The following CIC variants were observed in gnomAD, a reference collection of about 807,000 sequenced individuals.
The protein encoded by CIC is protein capicua homolog.
A neutral mutation model predicts 115.7 loss-of-function variants in CIC; 18 were observed. The observed-to-expected ratio is 0.16, with a 90% CI of 0.11 to 0.23. The LOEUF is 0.23. Among genes scored for constraint, CIC ranks in the 10% least tolerant of loss-of-function variants. The probability of loss-of-function intolerance (pLI) is 1.00; values close to 1 mark genes in which losing one functional copy is unlikely to be tolerated. For synonymous variants in CIC, 1,076 were observed against 923.0 expected (o/e 1.17, Z -3.01); for missense variants, 2,000 against 2,159.3 (o/e 0.93, Z 1.46).
At chr19:42,274,774 A>G (rs2036906429) in intron 2 of CIC, among the ~76,000 whole-genome samples, 197 bp downstream of exon 2, 1 of 152,250 alleles carries the variant, frequency 6.6e-6, no homozygotes, top group South Asian at 2.1e-4. Context: ...CACCGTTTCC[A>G]GAGGCCTCCT....
chr19:42,289,633 G>T (rs1443197628), intron 9 of CIC, among the ~76,000 whole-genome samples: 1 of 152,232 alleles, frequency 6.6e-6, no homozygotes, highest in Non-Finnish European at 1.5e-5. Flanking sequence ...AGATCTTCAG[G>T]TGCAGTGTTA....
chr19:42,295,004 C>T lies in CIC; in HGVS notation c.7367C>T (p.Pro2456Leu), dbSNP rs778746549. 1.3e-6 allele frequency: 2 copies of T among 1,595,462 alleles called. No homozygotes were observed. The highest frequency in any genetic ancestry group is 1.1e-5 in the South Asian group (1 of 90,828). ...VPPPTGTAAA[P>L]APTPSPAGGP... ...CCCCCCACTGGCACCGCTGCTGCCC[C>T]TGCCCCCACTCCCAGCCCCGCAGGG... is the stretch of plus-strand genomic sequence containing the variant. The change falls in exon 21 of 21, where the codon CCT (proline) becomes CTT (leucine). Residue 2456 changes from proline (P) to leucine (L), a missense_variant. Physicochemically the swap from Pro to Leu is moderately conservative, Grantham distance 98. Around this residue, in one of 8 missense-constraint regions of CIC, gnomAD observed 133 missense variants for 116.0 expected, o/e 1.15. Transcript: ENST00000681038.
At chr19:42,289,684 AGTGGGCACTGGGCAT>A (rs2037931208) in intron 9 of CIC, among the ~76,000 whole-genome samples, 149 bp from the exon 10 acceptor site, 1 of 152,162 alleles carries the variant, frequency 6.6e-6, no homozygotes, top group South Asian at 2.1e-4. Flanking sequence ...TGCACTGGGC[AGTGGGCACTGGGCAT>A]GTGGGCACAG....
chr19:42,277,814 G>A (rs1033215411), intron 2 of CIC, among the ~76,000 whole-genome samples: 15 of 152,148 alleles, frequency 9.9e-5, no homozygotes, highest in Admixed American at 6.5e-4. Context: ...TCTGAGGAGC[G>A]CCTCCCTAAC....
chr19:42,285,377 C>T (rs1476920094), intron 2 of CIC, among the ~76,000 whole-genome samples: 4 of 152,300 alleles, frequency 2.6e-5, no homozygotes, highest in East Asian at 3.9e-4. Flanking sequence ...GTCTAAGTCC[C>T]TGGAGGCTTT....
chr19:42,288,158 A>G (rs1027679211), intron 7 of CIC, among the ~76,000 whole-genome samples, 183 bp downstream of exon 7: 1 of 152,226 alleles, frequency 6.6e-6, no homozygotes, highest in Non-Finnish European at 1.5e-5. Context: ...AGATCCACAC[A>G]GATACTAAGA....
rs770999487 is a variant in CIC at position 42,290,970 on chromosome 19, G to A, written c.4929G>A (p.Ser1643=). The stretch of plus-strand genomic sequence containing the variant: ...GCTTAGTGTATTCGGACAAGAAGTC[G>A]GCAGCAGCCACCTCACCAGCCCCAC... ...GVSLVYSDKK[S]AAATSPAPHL... The change falls in exon 11 of 21, where the codon TCG becomes TCA. Residue 1643 remains serine (S), a synonymous_variant. Transcript: ENST00000681038. The A allele has an allele frequency of 4.6e-5, 74 of 1,613,630 alleles. No homozygotes were observed. Among genetic ancestry groups the A allele is most frequent in the Non-Finnish European group, 5.7e-5 (67 of 1,180,016 alleles).
rs2147262825 is a variant in CIC at position 42,290,860 on chromosome 19, G to A, written c.4819G>A (p.Glu1607Lys). The A allele has an allele frequency of 6.2e-7, 1 of 1,612,100 alleles. No homozygotes were observed. Among genetic ancestry groups the A allele is most frequent in the Non-Finnish European group, 8.5e-7 (1 of 1,179,448 alleles). The change falls in exon 11 of 21, where the codon GAG becomes AAG. Residue 1607 changes from glutamate to lysine, a missense_variant. Physicochemically the swap from Glu to Lys is moderately conservative, Grantham distance 56. Transcript: ENST00000681038. ...GCCCTTCCCCACCTCTGGCCGGGCT[G>A]AGGCGTCTCCAAATGACACAGCAGG... is the stretch of plus-strand genomic sequence containing the variant. ...SKPFPTSGRA[E>K]ASPNDTAGAR...
rs917142660 is a variant in CIC, at chr19:42,295,369, G to A, written c.*178G>A. ...CCCTCGAAGCTCCCTCCCGGTGCTG[G>A]GGGGCAGCTGAGGGGCTGCAGGGGC... On this transcript the variant is annotated 3_prime_UTR_variant, in exon 21 of 21. Transcript: ENST00000681038. 3.2e-6 allele frequency: 2 copies of A among 615,692 alleles called. No individual in the cohort carries two copies. Among genetic ancestry groups the A allele is most frequent in the African/African-American group, 3.7e-5 (2 of 54,174 alleles). 38.1% of individuals were successfully genotyped at this position (615,692 alleles called of 1,614,324 possible).
chr19:42,288,492 A>G (rs1021374481), intron 7 of CIC, among the ~76,000 whole-genome samples: 1 of 152,122 alleles, frequency 6.6e-6, no homozygotes, highest in Non-Finnish European at 1.5e-5. Context: ...GAGTGAGCCT[A>G]TGGGTATGGC....
In CIC at chr19:42,280,698, G is replaced by C. The variant is rs1339633662; in HGVS notation, c.2795-6073G>C. 1.3e-5 allele frequency among the ~76,000 whole-genome samples: 2 copies of C among 152,130 alleles called. No homozygotes were observed. The highest frequency in any genetic ancestry group is 2.9e-5 in the Non-Finnish European group (2 of 68,006). On this transcript the variant is annotated intron_variant, in intron 2 of 20. Transcript: ENST00000681038. This position sits in a 1 kb window ranked among gnomAD's most constrained non-coding sequence, Gnocchi z 4.9. ...CCGTCCGCCCTCCCTGCACAAAGCG[G>C]CTTTGTGGAGCCTGCCGGGGGTTGG...
In CIC at chr19:42,294,310, G is replaced by A. The variant is rs752638156; in HGVS notation, c.7054+6G>A. The A allele has an allele frequency of 9.3e-6, 15 of 1,612,558 alleles. No homozygotes were observed. The highest frequency in any genetic ancestry group is 8.0e-5 in the African/African-American group (6 of 74,928). On this transcript the variant is annotated splice_donor_region_variant and intron_variant, in intron 19 of 20. Coordinates refer to ENST00000681038, the MANE Select transcript of CIC (RefSeq NM_001386298.1). ...CTTCACCTTTGACCGTACAGGTGCCGTGGTGGGCAGAACTTTGGGGGCCTG... is the reference window on the plus strand; with the variant it reads ...CTTCACCTTTGACCGTACAGGTGCCATGGTGGGCAGAACTTTGGGGGCCTG...
chr19:42,293,483 C>T lies in CIC; in HGVS notation c.6523-109C>T, dbSNP rs1431402896. 2.6e-6 allele frequency: 4 copies of T among 1,566,310 alleles called. No homozygotes were observed. In the South Asian group the frequency reaches 3.4e-5, roughly 13 times the overall value. Reference sequence around the variant, plus strand: ...TGGCCTTCCTGAGGCCGTGTGACAGCCTTCTCAAGGGGTCTGCTGGGCGGG... The same window carrying T: ...TGGCCTTCCTGAGGCCGTGTGACAGTCTTCTCAAGGGGTCTGCTGGGCGGG... On this transcript the variant is annotated intron_variant, in intron 16 of 20. Transcript: ENST00000681038.
Position 42,289,843 on chromosome 19 carries a change from C to T in CIC, c.4088-5C>T, listed in dbSNP as rs778521612. On this transcript the variant is annotated splice_polypyrimidine_tract_variant and splice_region_variant and intron_variant, in intron 9 of 20. Transcript: ENST00000681038. ...CTCCCCATACTGTTCCCTCCACTCC[C>T]TCAGCTGACGATGGCTTCGGCACCA... The T allele has an allele frequency of 3.8e-6, 6 of 1,590,726 alleles. No individual in the cohort carries two copies. Among genetic ancestry groups the T allele is most frequent in the South Asian group, 1.1e-5 (1 of 87,262 alleles).
Position 42,280,679 on chromosome 19 carries a change from G to A in CIC, c.2795-6092G>A, listed in dbSNP as rs988254503. 6.6e-6 allele frequency among the ~76,000 whole-genome samples: 1 copy of A among 152,074 alleles called. No individual in the cohort carries two copies. The highest frequency in any genetic ancestry group is 1.5e-5 in the Non-Finnish European group (1 of 67,972). On this transcript the variant is annotated intron_variant, in intron 2 of 20. Coordinates refer to ENST00000681038, the MANE Select transcript of CIC (RefSeq NM_001386298.1). The surrounding 1 kb of genome is among the most constrained non-coding windows in gnomAD (Gnocchi z 4.9). Reference sequence around the variant, plus strand: ...TGTCAGGCCGGCCGGGCACCCGTCCGCCCTCCCTGCACAAAGCGGCTTTGT... The same window carrying A: ...TGTCAGGCCGGCCGGGCACCCGTCCACCCTCCCTGCACAAAGCGGCTTTGT...
At chr19:42,284,818 G>T in intron 2 of CIC, 9 of 1,470,804 alleles carry the variant, frequency 6.1e-6, no homozygotes, top group South Asian at 1.2e-5. Flanking sequence ...AGGTGTCGGG[G>T]TGCTAAGTGC....
intron 7 of CIC, among the ~76,000 whole-genome samples, chr19:42,288,345 C>A (rs2037813771): frequency 6.6e-6 from 1 of 152,154 alleles, no homozygotes; most frequent in African/African-American, 2.4e-5. Flanking sequence ...AATGACAGAG[C>A]CAGAATGTAA....
intron 7 of CIC, among the ~76,000 whole-genome samples, chr19:42,288,674 C>G (rs1031142087): frequency 1.7e-4 from 26 of 152,146 alleles, no homozygotes; most frequent in Non-Finnish European, 2.4e-4. Context: ...GGCTGCCCCC[C>G]AGGGAATGGG....
chr19:42,290,515 A>T lies in CIC; in HGVS notation c.4474A>T (p.Thr1492Ser), dbSNP rs2038008642. 6.2e-7 allele frequency: 1 copy of T among 1,613,260 alleles called. No homozygotes were observed. The highest frequency in any genetic ancestry group is 8.5e-7 in the Non-Finnish European group (1 of 1,179,826). The stretch of plus-strand genomic sequence containing the variant: ...ACCCCCTGGGGCTGGGGGTCCAGCG[A>T]CACCTTCCAAGGCAACCCGGTTCCT... Reference protein sequence around the residue: ...PPPPGAGGPATPSKATRFLPM... With the variant: ...PPPPGAGGPASPSKATRFLPM... The change falls in exon 11 of 21, where the codon ACA becomes TCA. Residue 1492 changes from threonine to serine, a missense_variant. Thr to Ser is a moderately conservative substitution (Grantham distance 58). This residue lies in a region of CIC where 1,466 missense variants were observed against 1,390.4 expected (regional missense o/e 1.05). Transcript: ENST00000681038.
Sources: allele counts gnomAD v4.1 joint callset (sites outside exome capture counted in the v4.1 genomes callset), GRCh38; gene constraint gnomAD v4.1.1; regional missense constraint gnomAD v4.1.1; non-coding constraint Gnocchi (gnomAD v3.1); transcripts MANE v1.5; gene names NCBI Gene and HGNC (gene_info 2026-07-23, HGNC 2026-07-21).